The following CD70 variants were observed in gnomAD, a reference collection of about 807,000 sequenced individuals.
CD70 encodes the protein CD70 molecule.
CD70 carries 6 observed loss-of-function variants against 9.0 expected under a neutral mutation model. That is an observed-to-expected ratio of 0.67 (90% CI 0.37 to 1.32). The LOEUF (loss-of-function observed/expected upper bound fraction) is 1.32, where lower values mean the gene tolerates loss of function less well. Ranked by LOEUF, CD70 falls within the 40% of genes most tolerant of loss-of-function variation. CD70 has a pLI of 0.02. For missense variants in CD70, 235 were observed against 258.7 expected (o/e 0.91, Z 0.63); for synonymous variants, 108 against 112.3 (o/e 0.96, Z 0.24).
chr19:6,585,969 A>G lies in CD70; in HGVS notation c.*51T>C. ...CCCTGTGTGTACACTTTTTCTCTTGAACTTAAATAAAATAAAATAAAATTT... is the reference window on the plus strand; with the variant it reads ...CCCTGTGTGTACACTTTTTCTCTTGGACTTAAATAAAATAAAATAAAATTT... On this transcript the variant is annotated 3_prime_UTR_variant, in exon 3 of 3. Coordinates refer to ENST00000245903, the MANE Select transcript of CD70 (RefSeq NM_001252.5). 7.0e-7 allele frequency: 1 copy of G among 1,424,354 alleles called. No individual in the cohort carries two copies. Among genetic ancestry groups the G allele is most frequent in the South Asian group, 1.4e-5 (1 of 69,206 alleles). 88.2% of individuals were successfully genotyped at this position (1,424,354 alleles called of 1,614,324 possible).
Position 6,590,258 on chromosome 19 carries a change from A to G in CD70, c.163-122T>C, listed in dbSNP as rs1916128067. The G allele has an allele frequency of 4.0e-6, 3 of 752,712 alleles. No individual in the cohort carries two copies. The highest frequency in any genetic ancestry group is 7.1e-6 in the Non-Finnish European group (3 of 422,936). 46.6% of individuals were successfully genotyped at this position (752,712 alleles called of 1,614,324 possible). The stretch of plus-strand genomic sequence containing the variant: ...TTCCACCTCTCATCCCACGGCGCGC[A>G]CTGGTGATTTTATTTCATTTTATTT... On this transcript the variant is annotated intron_variant, in intron 1 of 2. Coordinates refer to ENST00000245903, the MANE Select transcript of CD70 (RefSeq NM_001252.5). The surrounding 1 kb of genome is among the most constrained non-coding windows in gnomAD (Gnocchi z 5.3).
At chr19:6,586,534 C>T in intron 2 of CD70, 129 bp from the exon 3 acceptor site, 2 of 1,062,870 alleles carry the variant, frequency 1.9e-6, no homozygotes, top group South Asian at 3.4e-5. Flanking sequence ...CGTGGTGGCT[C>T]ATGCCTGAAA....
At chr19:6,584,835 C>T (rs1915984590), downstream of CD70, among the ~76,000 whole-genome samples, 1 of 152,052 alleles carries the variant, frequency 6.6e-6, no homozygotes, top group South Asian at 2.1e-4. Flanking sequence ...CACCGCACTG[C>T]AGCCTGGGCG....
At position 6,586,062 on chromosome 19, in the gene CD70, G is replaced by A; in HGVS notation, c.540C>T (p.Asn180=). The change falls in exon 3 of 3, where the codon AAC becomes AAT. Residue 180 remains asparagine, a synonymous_variant. Coordinates refer to ENST00000245903, the MANE Select transcript of CD70 (RefSeq NM_001252.5). ...GCACTCCAAAGAAGGTCTCATCAGT[G>A]TTTCGGGAAGGCAAAAGTGTCCCAG... ...NLTGTLLPSR[N]TDETFFGVQW... 6.2e-7 allele frequency: 1 copy of A among 1,614,066 alleles called. No individual in the cohort carries two copies. The highest frequency in any genetic ancestry group is 8.5e-7 in the Non-Finnish European group (1 of 1,179,920).
intron 2 of CD70, among the ~76,000 whole-genome samples, chr19:6,589,247 TTC>T (rs1272106051): frequency 1.6e-5 from 1 of 64,284 alleles, no homozygotes; most frequent in Non-Finnish European, 2.8e-5. Context: ...CTCTCTGGCT[TTC>T]TTTCTTTTCT....
At position 6,585,973 on chromosome 19, in the gene CD70, T is replaced by TAAATA. The variant is rs1192839202; in HGVS notation, c.*42_*46dup. 6 of 1,444,120 alleles carry TAAATA rather than the reference T, an allele frequency of 4.2e-6. No homozygotes were observed. Among genetic ancestry groups the TAAATA allele is most frequent in the South Asian group, 2.8e-5 (2 of 70,890 alleles). 89.5% of individuals were successfully genotyped at this position (1,444,120 alleles called of 1,614,324 possible). On this transcript the variant is annotated 3_prime_UTR_variant, in exon 3 of 3. Transcript: ENST00000245903. ...GTGTGTACACTTTTTCTCTTGAACTTAAATAAAATAAAATAAAATTTAAAA... is the reference window on the plus strand; with the variant it reads ...GTGTGTACACTTTTTCTCTTGAACTTAAATAAAATAAAATAAAATAAAATTTAAAA...
downstream of CD70, among the ~76,000 whole-genome samples, chr19:6,584,540 T>G (rs977785703): frequency 1.4e-5 from 2 of 147,230 alleles, no homozygotes; most frequent in African/African-American, 2.5e-5. Context: ...TACACCATCT[T>G]TAAATACTGG....
chr19:6,584,305 C>G (rs1316600241), downstream of CD70, among the ~76,000 whole-genome samples: 1 of 148,948 alleles, frequency 6.7e-6, no homozygotes, highest in Non-Finnish European at 1.5e-5. Flanking sequence ...GTCAAGAGAT[C>G]GAGACCATCC....
At position 6,587,472 on chromosome 19, in the gene CD70, G is replaced by A. The variant is rs746078145; in HGVS notation, c.197-1067C>T. ...ACAGAGCTCGAGAGTGCACGGGAGT[G>A]AGCGAGAGAGTGCCTGAGAGAGTGA... On this transcript the variant is annotated intron_variant, in intron 2 of 2. Transcript: ENST00000245903. Among the ~76,000 whole-genome samples, 5 of 151,960 alleles carry A rather than the reference G, an allele frequency of 3.3e-5. No homozygotes were observed. In the South Asian group the frequency reaches 8.3e-4, roughly 25 times the overall value.
intron 2 of CD70, among the ~76,000 whole-genome samples, chr19:6,589,483 A>G (rs1236405264): frequency 1.3e-5 from 2 of 151,586 alleles, no homozygotes; most frequent in Admixed American, 6.6e-5. Context: ...TCTGCCTCCC[A>G]GGTTCAGGCG....
downstream of CD70, among the ~76,000 whole-genome samples, chr19:6,583,814 T>C (rs1020715423): frequency 6.3e-5 from 8 of 126,818 alleles, no homozygotes; most frequent in Non-Finnish European, 1.7e-5. Context: ...TTTTTTGAGA[T>C]GGAGTTTCGC....
Position 6,591,061 on chromosome 19 carries a change from G to A in CD70, c.-59C>T, listed in dbSNP as rs1043874809. 3 of 1,516,690 alleles carry A rather than the reference G, an allele frequency of 2.0e-6. No homozygotes were observed. Among genetic ancestry groups the A allele is most frequent in the Admixed American group, 2.2e-5 (1 of 46,380 alleles). The allele number at this position is 1,516,690 out of a possible 1,614,324, so 94.0% of individuals were successfully genotyped here. A position where few individuals can be genotyped will look rare whatever the true frequency, so the allele number is the denominator to read the frequency against. On this transcript the variant is annotated 5_prime_UTR_variant, in exon 1 of 3. Coordinates refer to ENST00000245903, the MANE Select transcript of CD70 (RefSeq NM_001252.5). ...GGCGATGGGGGCGCGGAGCGCTGCC[G>A]AGAAGGAAGGAAGGAAACTGCAGCC...
downstream of CD70, chr19:6,583,067 G>T: frequency 2.7e-6 from 1 of 370,490 alleles, no homozygotes. Flanking sequence ...GGTGGCGCAT[G>T]GGTCTCATTT....
At chr19:6,586,483 G>T in intron 2 of CD70, 78 bp from the exon 3 acceptor site, 1 of 1,413,482 alleles carries the variant, frequency 7.1e-7, no homozygotes, top group Admixed American at 2.3e-5. Context: ...GAGAAAGTCA[G>T]ATATAGAGAT....
At chr19:6,589,636 C>T (rs1042111173) in intron 2 of CD70, among the ~76,000 whole-genome samples, 1 of 151,984 alleles carries the variant, frequency 6.6e-6, no homozygotes, top group Non-Finnish European at 1.5e-5. Flanking sequence ...GTGATCCACC[C>T]GCCGCGCCCT....
chr19:6,590,748 C>G lies in CD70; in HGVS notation c.162+93G>C. 7.7e-6 allele frequency: 9 copies of G among 1,167,208 alleles called. No individual in the cohort carries two copies. Among genetic ancestry groups the G allele is most frequent in the Non-Finnish European group, 1.1e-5 (9 of 799,278 alleles). The allele number at this position is 1,167,208 out of a possible 1,614,324, so 72.3% of individuals were successfully genotyped here. On this transcript the variant is annotated intron_variant, in intron 1 of 2. Transcript: ENST00000245903. This position sits in a 1 kb window ranked among gnomAD's most constrained non-coding sequence, Gnocchi z 5.3. ...GGTCTCTGTCTCTGCCCTACCAGAT[C>G]TTCCTCTCTGGCCTCTTTGTACCCA...
In CD70 at chr19:6,590,517, C is replaced by T. The variant is rs879390041; in HGVS notation, c.162+324G>A. On this transcript the variant is annotated intron_variant, in intron 1 of 2. Coordinates refer to ENST00000245903, the MANE Select transcript of CD70 (RefSeq NM_001252.5). This position sits in a 1 kb window ranked among gnomAD's most constrained non-coding sequence, Gnocchi z 5.3. ...GCTGGGGCCATCCCGTCCTAGGAGGCCCCAGGAAGCCCCCACGCCCAGCCT... is the reference window on the plus strand; with the variant it reads ...GCTGGGGCCATCCCGTCCTAGGAGGTCCCAGGAAGCCCCCACGCCCAGCCT... Among the ~76,000 whole-genome samples, 1 of 152,138 alleles carries T rather than the reference C, an allele frequency of 6.6e-6. No individual in the cohort carries two copies. Among genetic ancestry groups the T allele is most frequent in the Non-Finnish European group, 1.5e-5 (1 of 67,986 alleles).
chr19:6,583,084 C>T, downstream of CD70: 1 of 392,326 alleles, frequency 2.5e-6, no homozygotes, highest in Non-Finnish European at 4.6e-6. Flanking sequence ...ATTTTCCCTC[C>T]CTCAGCTGGG....
downstream of CD70, among the ~76,000 whole-genome samples, chr19:6,583,915 C>T (rs1269030398): frequency 1.3e-5 from 2 of 151,278 alleles, no homozygotes; most frequent in Non-Finnish European, 2.9e-5. Context: ...GCCTCACCCT[C>T]CTGAGTAGCT....
Sources: gnomAD v4.1 joint callset for allele counts (sites outside exome capture counted in the v4.1 genomes callset) on GRCh38, gnomAD v4.1.1 for gene constraint, Gnocchi (gnomAD v3.1) non-coding constraint, MANE v1.5 for transcripts, NCBI Gene and HGNC (gene_info 2026-07-23, HGNC 2026-07-21) for gene names.